The following XKR4 variants were observed in gnomAD, a reference collection of about 807,000 sequenced individuals.
XKR4 encodes the protein XK related 4.
In XKR4, 12 loss-of-function variants were observed where a neutral mutation model predicts 53.9. That is an observed-to-expected ratio of 0.22 (90% CI 0.14 to 0.36). The LOEUF is 0.36. XKR4 is among the 10% of genes least tolerant of loss of function. The probability of loss-of-function intolerance (pLI) is 1.00; values close to 1 mark genes in which losing one functional copy is unlikely to be tolerated. For synonymous variants in XKR4, 354 were observed against 362.4 expected, an observed-to-expected ratio of 0.98 and a Z score of 0.26; for missense variants, 799 against 859.5, an observed-to-expected ratio of 0.93 and a Z score of 0.88.
chr8:55,341,058 G>GCC (rs1803537628), intron 1 of XKR4, among the ~76,000 whole-genome samples: 1 of 152,200 alleles, frequency 6.6e-6, no homozygotes, highest in Non-Finnish European at 1.5e-5. Context: ...TTTATGTCTA[G>GCC]AGAAAGAAGC....
At chr8:55,349,378 A>G (rs372421950) in intron 1 of XKR4, among the ~76,000 whole-genome samples, 2 of 152,216 alleles carry the variant, frequency 1.3e-5, no homozygotes, top group South Asian at 2.1e-4. Context: ...GGACAGATGT[A>G]ATGTATGATC....
At chr8:55,188,373 C>T (rs1362477207) in intron 1 of XKR4, among the ~76,000 whole-genome samples, 1 of 152,032 alleles carries the variant, frequency 6.6e-6, no homozygotes, top group Non-Finnish European at 1.5e-5. Context: ...CTTATTTCTC[C>T]TAAAAAGACA....
At chr8:55,305,005 A>G (rs1458580998) in intron 1 of XKR4, among the ~76,000 whole-genome samples, 1 of 152,308 alleles carries the variant, frequency 6.6e-6, no homozygotes, top group African/African-American at 2.4e-5. Context: ...ACTTATTTAT[A>G]TTAATGTAAG....
chr8:55,250,177 T>C (rs1818344890), intron 1 of XKR4, among the ~76,000 whole-genome samples: 1 of 152,220 alleles, frequency 6.6e-6, no homozygotes, highest in Non-Finnish European at 1.5e-5. Context: ...TGCTATGGCT[T>C]CCTAAGAAGT....
chr8:55,297,910 A>T (rs1034108214), intron 1 of XKR4, among the ~76,000 whole-genome samples: 2 of 152,204 alleles, frequency 1.3e-5, no homozygotes, highest in Non-Finnish European at 2.9e-5. Context: ...TTAGAAGAAA[A>T]CAAGCAATAA....
intron 2 of XKR4, among the ~76,000 whole-genome samples, chr8:55,364,592 T>C (rs1803948918): frequency 6.6e-6 from 1 of 152,162 alleles, no homozygotes; most frequent in African/African-American, 2.4e-5. Flanking sequence ...ATTGTTCGTT[T>C]GGTTGGCTGG....
intron 2 of XKR4, among the ~76,000 whole-genome samples, chr8:55,410,348 T>C (rs905774215): frequency 1.3e-5 from 2 of 152,154 alleles, no homozygotes; most frequent in Admixed American, 6.5e-5. Context: ...GCAGCCCTGA[T>C]CTCTCCCTGG....
At chr8:55,322,501 A>G (rs1433428229) in intron 1 of XKR4, among the ~76,000 whole-genome samples, 1 of 152,196 alleles carries the variant, frequency 6.6e-6, no homozygotes, top group Non-Finnish European at 1.5e-5. Context: ...CTTTTGCTTG[A>G]AATTGTGAAA....
At chr8:55,186,497 TA>T (rs569769462) in intron 1 of XKR4, among the ~76,000 whole-genome samples, 12 of 146,630 alleles carry the variant, frequency 8.2e-5, no homozygotes, top group South Asian at 2.2e-4. Context: ...CTACTAAAAA[TA>T]AAAAAAAAAT....
intron 1 of XKR4, among the ~76,000 whole-genome samples, chr8:55,159,872 A>T (rs1816961114): frequency 6.6e-6 from 1 of 152,228 alleles, no homozygotes; most frequent in Non-Finnish European, 1.5e-5. Flanking sequence ...ATAGCATCGC[A>T]TATAGACTCA....
chr8:55,462,103 A>G (rs933962878), intron 2 of XKR4, among the ~76,000 whole-genome samples: 31 of 152,342 alleles, frequency 2.0e-4, no homozygotes, highest in African/African-American at 7.2e-4. Context: ...GTCAACATTC[A>G]AATTCAGAAA....
intron 2 of XKR4, among the ~76,000 whole-genome samples, chr8:55,368,597 C>A (rs528249603): frequency 6.6e-6 from 1 of 152,208 alleles, no homozygotes; most frequent in East Asian, 1.9e-4. Context: ...TTCCCACAGA[C>A]GCCCCCATCT....
At chr8:55,278,234 A>C (rs1381952770) in intron 1 of XKR4, among the ~76,000 whole-genome samples, 1 of 151,910 alleles carries the variant, frequency 6.6e-6, no homozygotes, top group African/African-American at 2.4e-5. Flanking sequence ...CTTCTCGGGA[A>C]GCTGGGGCAC....
chr8:55,349,688 A>G (rs1214912600), intron 1 of XKR4, among the ~76,000 whole-genome samples: 2 of 152,226 alleles, frequency 1.3e-5, no homozygotes, highest in Non-Finnish European at 2.9e-5. Flanking sequence ...AACGAATGTT[A>G]AACCTTAATA....
chr8:55,443,724 C>T (rs1171246232), intron 2 of XKR4, among the ~76,000 whole-genome samples: 2 of 150,826 alleles, frequency 1.3e-5, no homozygotes, highest in African/African-American at 2.4e-5. Flanking sequence ...GCCTGTAGTC[C>T]CAGCTACTCG....
intron 1 of XKR4, among the ~76,000 whole-genome samples, chr8:55,247,077 T>A (rs1480268195): frequency 6.6e-6 from 1 of 152,170 alleles, no homozygotes; most frequent in Non-Finnish European, 1.5e-5. Context: ...CCATCCCAAG[T>A]ATTGTTTCTT....
In XKR4 at chr8:55,466,599, A is replaced by G. The variant is rs1057406639; in HGVS notation, c.1007-56682A>G. Among the ~76,000 whole-genome samples, 4 of 149,456 alleles carry G rather than the reference A, an allele frequency of 2.7e-5. No homozygotes were observed. The East Asian group carries it at 8.0e-4, about 30-fold the overall frequency. Reference sequence around the variant, plus strand: ...ATGTATACATATGTAACAAACCTGCACATTGTGCACATGTACCCTAAAACT... The same window carrying G: ...ATGTATACATATGTAACAAACCTGCGCATTGTGCACATGTACCCTAAAACT... On this transcript the variant is annotated intron_variant, in intron 2 of 2. Transcript: ENST00000327381.
chr8:55,520,657 T>A (rs1806784805), intron 2 of XKR4, among the ~76,000 whole-genome samples: 1 of 152,226 alleles, frequency 6.6e-6, no homozygotes, highest in African/African-American at 2.4e-5. Flanking sequence ...AAAGAGGGTA[T>A]CACAGGGACA....
At chr8:55,477,636 G>T (rs1806019347) in intron 2 of XKR4, among the ~76,000 whole-genome samples, 1 of 152,058 alleles carries the variant, frequency 6.6e-6, no homozygotes, top group South Asian at 2.1e-4. Context: ...CAAACCAATG[G>T]CAAAGAAGTT....
Sources: allele counts gnomAD v4.1 joint callset (sites outside exome capture counted in the v4.1 genomes callset), GRCh38; gene constraint gnomAD v4.1.1; transcripts MANE v1.5; gene names NCBI Gene and HGNC (gene_info 2026-07-23, HGNC 2026-07-21).